Variants in ETV6 observed in about 807,000 individuals in gnomAD.
The protein encoded by ETV6 is transcription factor ETV6.
ETV6 carries 16 observed loss-of-function variants against 51.1 expected under a neutral mutation model. That is an observed-to-expected ratio of 0.31 (90% CI 0.21 to 0.48). The LOEUF (loss-of-function observed/expected upper bound fraction) is 0.48, where lower values mean the gene tolerates loss of function less well. ETV6 is among the 20% of genes least tolerant of loss of function. The probability of loss-of-function intolerance (pLI) is 0.99; values close to 1 mark genes in which losing one functional copy is unlikely to be tolerated. For missense variants in ETV6, 458 were observed against 594.8 expected (o/e 0.77, Z 2.39); for synonymous variants, 240 against 224.1 (o/e 1.07, Z -0.64).
chr12:11,822,803 A>G (rs1223324904), intron 2 of ETV6, among the ~76,000 whole-genome samples: 1 of 152,238 alleles, frequency 6.6e-6, no homozygotes, highest in African/African-American at 2.4e-5. Flanking sequence ...TCCAGAAAGG[A>G]CAGCCATTGC....
intron 2 of ETV6, among the ~76,000 whole-genome samples, chr12:11,798,364 G>A (rs1945706101): frequency 1.3e-5 from 2 of 152,206 alleles, no homozygotes; most frequent in South Asian, 2.1e-4. Flanking sequence ...AAGATCGGGG[G>A]CAGAAAGACC....
intron 2 of ETV6, among the ~76,000 whole-genome samples, chr12:11,808,151 G>A (rs1396750172): frequency 1.3e-5 from 2 of 152,194 alleles, no homozygotes; most frequent in Non-Finnish European, 2.9e-5. Flanking sequence ...TGATAACAAG[G>A]ATGGCATACG....
intron 4 of ETV6, among the ~76,000 whole-genome samples, chr12:11,862,302 G>A (rs1946728996): frequency 6.6e-6 from 1 of 152,152 alleles, no homozygotes; most frequent in Admixed American, 6.5e-5. Flanking sequence ...GGGATGAATA[G>A]GCTGAAATGC....
chr12:11,888,513 T>C (rs1947238055), intron 7 of ETV6, among the ~76,000 whole-genome samples: 2 of 151,470 alleles, frequency 1.3e-5, no homozygotes, highest in South Asian at 2.1e-4. Flanking sequence ...CTCATAATTA[T>C]CATGCCGTAG....
chr12:11,821,464 T>C (rs1422140893), intron 2 of ETV6, among the ~76,000 whole-genome samples: 1 of 152,062 alleles, frequency 6.6e-6, no homozygotes, highest in African/African-American at 2.4e-5. Flanking sequence ...ATGGGAAAGA[T>C]TGGGAACAGC....
intron 1 of ETV6, among the ~76,000 whole-genome samples, chr12:11,695,400 C>T (rs1864858026): frequency 6.6e-6 from 1 of 152,188 alleles, no homozygotes; most frequent in Non-Finnish European, 1.5e-5. Context: ...CTGGAATTCT[C>T]CTGCCAGGCA....
chr12:11,889,467 A>G (rs1181664212), intron 7 of ETV6, among the ~76,000 whole-genome samples: 2 of 152,226 alleles, frequency 1.3e-5, no homozygotes, highest in South Asian at 2.1e-4. Flanking sequence ...TGAATTGTAG[A>G]TACTCTTTAC....
intron 2 of ETV6, among the ~76,000 whole-genome samples, chr12:11,810,793 G>A (rs1489105945): frequency 6.6e-6 from 1 of 152,128 alleles, no homozygotes; most frequent in Non-Finnish European, 1.5e-5. Context: ...ATAGATTTAT[G>A]GTAGGACTTG....
intron 7 of ETV6, among the ~76,000 whole-genome samples, chr12:11,889,179 T>G (rs1947250743): frequency 6.6e-6 from 1 of 151,984 alleles, no homozygotes; most frequent in Non-Finnish European, 1.5e-5. Flanking sequence ...TGACTTCGGA[T>G]GTGGAGGGAG....
intron 1 of ETV6, among the ~76,000 whole-genome samples, chr12:11,710,825 G>A (rs779145665): frequency 6.6e-6 from 1 of 152,186 alleles, no homozygotes; most frequent in Non-Finnish European, 1.5e-5. Flanking sequence ...AAGAAATCCT[G>A]TAGGGTACCT....
chr12:11,662,288 AAGGT>A (rs750115968), intron 1 of ETV6, among the ~76,000 whole-genome samples: 25 of 152,288 alleles, frequency 1.6e-4, no homozygotes, highest in Non-Finnish European at 3.2e-4. Flanking sequence ...AGAAGGAAGA[AAGGT>A]AGGTGAGCCA....
At chr12:11,856,889 G>T (rs1286346159) in intron 4 of ETV6, among the ~76,000 whole-genome samples, 1 of 152,112 alleles carries the variant, frequency 6.6e-6, no homozygotes, top group African/African-American at 2.4e-5. Flanking sequence ...TACATAACTG[G>T]GAATACAGTT....
intron 2 of ETV6, among the ~76,000 whole-genome samples, chr12:11,797,172 CCATT>C (rs2136396713): frequency 6.6e-6 from 1 of 152,254 alleles, no homozygotes; most frequent in East Asian, 1.9e-4. Flanking sequence ...CATTTTGAGA[CCATT>C]CATTCTTTCA....
At chr12:11,729,659 C>A (rs902972009) in intron 1 of ETV6, among the ~76,000 whole-genome samples, 2 of 152,114 alleles carry the variant, frequency 1.3e-5, no homozygotes, top group African/African-American at 2.4e-5. Context: ...AGATAGTGGC[C>A]TTTGAACTCT....
At chr12:11,879,080 A>C (rs1217628759) in intron 5 of ETV6, among the ~76,000 whole-genome samples, 1 of 152,094 alleles carries the variant, frequency 6.6e-6, no homozygotes, top group Non-Finnish European at 1.5e-5. Flanking sequence ...CATATTTGTA[A>C]AGCTTAGTAG....
At chr12:11,813,342 G>T (rs760991816) in intron 2 of ETV6, among the ~76,000 whole-genome samples, 2 of 152,090 alleles carry the variant, frequency 1.3e-5, no homozygotes, top group Non-Finnish European at 2.9e-5. Context: ...AAACCTTCCT[G>T]CCTGCAGCAC....
intron 3 of ETV6, among the ~76,000 whole-genome samples, chr12:11,850,308 G>A (rs1171107215): frequency 1.3e-5 from 2 of 152,108 alleles, no homozygotes; most frequent in East Asian, 1.9e-4. Context: ...GGAGGTGTGC[G>A]GCAGACCACG....
intron 2 of ETV6, among the ~76,000 whole-genome samples, chr12:11,811,547 G>T (rs1945914095): frequency 1.3e-5 from 2 of 152,152 alleles, no homozygotes; most frequent in African/African-American, 4.8e-5. Context: ...GCTCTTGGTG[G>T]TCATTTCACC....
intron 1 of ETV6, among the ~76,000 whole-genome samples, chr12:11,662,239 GC>G (rs762800974): frequency 3.9e-5 from 6 of 152,108 alleles, no homozygotes; most frequent in Non-Finnish European, 7.3e-5. Context: ...GTGGGATAAG[GC>G]CCCAGAGTGG....
Sources: gnomAD v4.1 joint callset for allele counts (sites outside exome capture counted in the v4.1 genomes callset) on GRCh38, gnomAD v4.1.1 for gene constraint, MANE v1.5 for transcripts, NCBI Gene and HGNC (gene_info 2026-07-23, HGNC 2026-07-21) for gene names.